AHCTF1: variants seen among roughly 807,000 people sequenced by gnomAD.
AHCTF1 encodes the protein protein ELYS.
In AHCTF1, 24 loss-of-function variants were observed where a neutral mutation model predicts 248.4. The ratio of observed to expected loss-of-function variants is 0.10; its 90% confidence interval spans 0.07 to 0.14. AHCTF1 has a LOEUF of 0.14. AHCTF1 is among the 10% of genes least tolerant of loss of function. The probability of loss-of-function intolerance (pLI) is 1.00; values close to 1 mark genes in which losing one functional copy is unlikely to be tolerated. For synonymous variants in AHCTF1, 786 were observed against 929.8 expected, an observed-to-expected ratio of 0.85 and a Z score of 2.81; for missense variants, 2,206 against 2,636.2, an observed-to-expected ratio of 0.84 and a Z score of 3.57.
chr1:246,868,907 T>G (rs372869333), intron 24 of AHCTF1, among the ~76,000 whole-genome samples: 121 of 149,606 alleles, frequency 8.1e-4, no homozygotes, highest in South Asian at 4.9e-3. Context: ...TGCAGTGGTG[T>G]GATCTCGGCT....
intron 10 of AHCTF1, 119 bp from the exon 11 acceptor site, chr1:246,899,631 C>A (rs954351441): frequency 1.5e-6 from 1 of 645,686 alleles, no homozygotes; most frequent in Non-Finnish European, 2.5e-6. Flanking sequence ...TGTAATAAAT[C>A]TTTAAATAAA....
At chr1:246,904,856 A>G (rs2103185359) in intron 6 of AHCTF1, among the ~76,000 whole-genome samples, 1 of 152,282 alleles carries the variant, frequency 6.6e-6, no homozygotes, top group Non-Finnish European at 1.5e-5. Context: ...AATATTCCTC[A>G]TACCACACTA....
chr1:246,902,596 G>A lies in AHCTF1; in HGVS notation c.1046C>T (p.Thr349Ile). The change falls in exon 8 of 36, where the codon ACC (threonine) becomes ATC (isoleucine). Residue 349 changes from threonine to isoleucine, a missense_variant. By Grantham distance (89) the Thr-to-Ile change is moderately conservative. Coordinates refer to ENST00000648844, the MANE Select transcript of AHCTF1 (RefSeq NM_001323342.2). ...TATACTCTGGCATCCCAACAATTTG[G>A]TATTACTCGTCTGTCCCCTCAAAGG... ...MFPLRGQTSNTKLLGCQSIEK... is the reference protein window; with the variant it reads ...MFPLRGQTSNIKLLGCQSIEK... The A allele has an allele frequency of 6.2e-7, 1 of 1,612,444 alleles. No homozygotes were observed. The highest frequency in any genetic ancestry group is 8.5e-7 in the Non-Finnish European group (1 of 1,179,786).
intron 35 of AHCTF1, among the ~76,000 whole-genome samples, chr1:246,842,202 C>T (rs991838611): frequency 1.3e-5 from 2 of 151,986 alleles, no homozygotes; most frequent in East Asian, 1.9e-4. Flanking sequence ...TGTAAATGCC[C>T]GATAATCTTT....
intron 21 of AHCTF1, 58 bp downstream of exon 21, chr1:246,885,435 A>G: frequency 7.0e-7 from 1 of 1,420,098 alleles, no homozygotes; most frequent in South Asian, 1.4e-5. Context: ...CTATCTCATC[A>G]ATTCCATTTT....
rs1213179977 is a variant in AHCTF1, at chr1:246,863,798, G to C, written c.3540+126C>G. The C allele has an allele frequency of 6.4e-5, 58 of 902,124 alleles. No individual in the cohort carries two copies. The Admixed American group carries it at 1.0e-3, about 16-fold the overall frequency. 55.9% of individuals were successfully genotyped at this position (902,124 alleles called of 1,614,324 possible). ...TTTAGAAGATGTGAAAACATAAAAG[G>C]ATGCTTAAAGCATTTCCCAGCACTC... is the stretch of plus-strand genomic sequence containing the variant. On this transcript the variant is annotated intron_variant, in intron 27 of 35. Transcript: ENST00000648844.
At chr1:246,909,079 A>ATCTATC (rs1553302561) in intron 4 of AHCTF1, among the ~76,000 whole-genome samples, 1 of 143,242 alleles carries the variant, frequency 7.0e-6, no homozygotes. Flanking sequence ...ATATATATCT[A>ATCTATC]TATCTATCTA....
At position 246,851,454 on chromosome 1, in the gene AHCTF1, A is replaced by G; in HGVS notation, c.4564-12T>C. On this transcript the variant is annotated splice_polypyrimidine_tract_variant and intron_variant, in intron 32 of 35. Coordinates refer to ENST00000648844, the MANE Select transcript of AHCTF1 (RefSeq NM_001323342.2). ...TCTTGTTCAATCACCTAAATGAATT[A>G]AAGATAAGAGACTGGTTAAAGAATT... The G allele has an allele frequency of 6.3e-7, 1 of 1,587,202 alleles. No individual in the cohort carries two copies. The highest frequency in any genetic ancestry group is 8.6e-7 in the Non-Finnish European group (1 of 1,168,570).
chr1:246,892,915 G>C (rs1664319952), intron 14 of AHCTF1, among the ~76,000 whole-genome samples: 1 of 151,990 alleles, frequency 6.6e-6, no homozygotes, highest in Non-Finnish European at 1.5e-5. Context: ...TAAAGTACTG[G>C]GATTACAAGC....
intron 33 of AHCTF1, among the ~76,000 whole-genome samples, chr1:246,848,006 T>C (rs979717202): frequency 6.6e-6 from 1 of 152,186 alleles, no homozygotes; most frequent in African/African-American, 2.4e-5. Flanking sequence ...GTCATTTCAT[T>C]CTCCTCCATG....
In AHCTF1 at chr1:246,862,141, A is replaced by C; in HGVS notation, c.3553T>G (p.Leu1185Val). Residue 1185 changes from leucine to valine, a missense_variant, in exon 28 of 36, where the codon TTG becomes GTG. Transcript: ENST00000648844. Reference protein sequence around the residue: ...TPLVVKKAKSLAMSVTTSGFS... With the variant: ...TPLVVKKAKSVAMSVTTSGFS... Reference sequence around the variant, plus strand: ...CCAGAAGTAGTAACTGACATGGCCAAACTTTTAGCTTTCTATAGTAAAGAG... The same window carrying C: ...CCAGAAGTAGTAACTGACATGGCCACACTTTTAGCTTTCTATAGTAAAGAG... 6.2e-7 allele frequency: 1 copy of C among 1,607,482 alleles called. No individual in the cohort carries two copies. Among genetic ancestry groups the C allele is most frequent in the Non-Finnish European group, 8.5e-7 (1 of 1,177,980 alleles).
At chr1:246,881,647 A>G (rs1572410304) in intron 21 of AHCTF1, among the ~76,000 whole-genome samples, 2 of 151,918 alleles carry the variant, frequency 1.3e-5, no homozygotes, top group South Asian at 4.2e-4. Flanking sequence ...GACCAGCCTG[A>G]CCAACATGGG....
chr1:246,840,749 A>C lies in AHCTF1; in HGVS notation c.*57T>G. 1.6e-6 allele frequency: 2 copies of C among 1,262,518 alleles called. No homozygotes were observed. The highest frequency in any genetic ancestry group is 2.2e-6 in the Non-Finnish European group (2 of 926,830). The allele number at this position is 1,262,518 out of a possible 1,614,324, so 78.2% of individuals were successfully genotyped here. A position where few individuals can be genotyped will look rare whatever the true frequency, so the allele number is the denominator to read the frequency against. On this transcript the variant is annotated 3_prime_UTR_variant, in exon 36 of 36. Coordinates refer to ENST00000648844, the MANE Select transcript of AHCTF1 (RefSeq NM_001323342.2). ...TTTCTTCCAAACTAGATATTTAATA[A>C]TCCACACTATTCTGATGACTTTACA...
intron 24 of AHCTF1, among the ~76,000 whole-genome samples, chr1:246,869,562 C>G (rs536871159): frequency 6.6e-6 from 1 of 152,220 alleles, no homozygotes; most frequent in South Asian, 2.1e-4. Context: ...AAATTAAAGG[C>G]AATCACCATT....
chr1:246,877,116 T>C (rs758471853), intron 22 of AHCTF1, 35 bp from the exon 23 acceptor site: 1 of 1,612,078 alleles, frequency 6.2e-7, no homozygotes, highest in African/African-American at 1.3e-5. Context: ...AACTACCAAT[T>C]TATCTTGAAT....
intron 32 of AHCTF1, among the ~76,000 whole-genome samples, chr1:246,851,695 A>AAGAC (rs1327827720): frequency 1.3e-5 from 2 of 152,226 alleles, no homozygotes; most frequent in Admixed American, 1.3e-4. Flanking sequence ...CCTAGCTAAA[A>AAGAC]AGACAGTCAA....
intron 31 of AHCTF1, among the ~76,000 whole-genome samples, chr1:246,853,943 T>C (rs1258138865): frequency 6.6e-6 from 1 of 152,126 alleles, no homozygotes; most frequent in Non-Finnish European, 1.5e-5. Context: ...AAAAACCACT[T>C]TACAGGCTTC....
intron 21 of AHCTF1, among the ~76,000 whole-genome samples, chr1:246,879,143 G>C (rs569867497): frequency 6.6e-6 from 1 of 151,664 alleles, no homozygotes; most frequent in Non-Finnish European, 1.5e-5. Flanking sequence ...CAACAACACA[G>C]GAAAAAAAGC....
chr1:246,872,151 A>G (rs1662642752), intron 24 of AHCTF1, among the ~76,000 whole-genome samples: 1 of 152,164 alleles, frequency 6.6e-6, no homozygotes, highest in African/African-American at 2.4e-5. Flanking sequence ...ATAACAAAAC[A>G]AAACAAACCT....
Sources: allele counts gnomAD v4.1 joint callset (sites outside exome capture counted in the v4.1 genomes callset), GRCh38; gene constraint gnomAD v4.1.1; transcripts MANE v1.5; gene names NCBI Gene and HGNC (gene_info 2026-07-23, HGNC 2026-07-21).